DOCK7: variants seen among roughly 807,000 people sequenced by gnomAD.
DOCK7 encodes dedicator of cytokinesis 7, also known as dedicator of cytokinesis protein 7.
Under a neutral mutation model 271.0 loss-of-function variants are expected in DOCK7, and 138 were observed. The observed-to-expected ratio is 0.51, with a 90% CI of 0.44 to 0.59. DOCK7 has a LOEUF of 0.59. DOCK7 is among the 20% of genes least tolerant of loss of function. DOCK7 has a pLI of 0.00. For synonymous variants in DOCK7, 823 were observed against 876.1 expected (o/e 0.94, Z 1.07); for missense variants, 2,066 against 2,592.4 (o/e 0.80, Z 4.41).
intron 30 of DOCK7, among the ~76,000 whole-genome samples, chr1:62,528,561 C>A (rs1180530907): frequency 1.3e-5 from 2 of 152,106 alleles, no homozygotes; most frequent in Non-Finnish European, 2.9e-5. Context: ...TAAGGAAATT[C>A]ATTTTAGTGA....
At chr1:62,664,962 T>C (rs959979816) in intron 1 of DOCK7, among the ~76,000 whole-genome samples, 1 of 152,130 alleles carries the variant, frequency 6.6e-6, no homozygotes, top group Non-Finnish European at 1.5e-5. Context: ...GACAGGAACA[T>C]TCGCTTCAGT....
chr1:62,510,232 AC>A (rs1417710203), intron 34 of DOCK7, among the ~76,000 whole-genome samples: 1 of 152,184 alleles, frequency 6.6e-6, no homozygotes, highest in Non-Finnish European at 1.5e-5. Flanking sequence ...AAGCTCCATA[AC>A]GACAAATGTC....
chr1:62,550,894 T>C (rs1482173469), intron 22 of DOCK7, among the ~76,000 whole-genome samples: 1 of 151,988 alleles, frequency 6.6e-6, no homozygotes, highest in Admixed American at 6.6e-5. Flanking sequence ...CTAATTTTTG[T>C]ATTTTTAGTA....
intron 7 of DOCK7, among the ~76,000 whole-genome samples, chr1:62,640,309 C>T (rs113940788): frequency 2.0e-5 from 3 of 152,002 alleles, no homozygotes; most frequent in Admixed American, 6.5e-5. Flanking sequence ...ATCAAGAGAC[C>T]GAGACCATCC....
intron 1 of DOCK7, among the ~76,000 whole-genome samples, chr1:62,668,196 T>C (rs896893765): frequency 3.9e-5 from 6 of 152,204 alleles, no homozygotes; most frequent in African/African-American, 1.2e-4. Flanking sequence ...TATAATACTA[T>C]TGCGAGGAAG....
chr1:62,514,588 C>T (rs1644602836), intron 31 of DOCK7, among the ~76,000 whole-genome samples: 1 of 151,842 alleles, frequency 6.6e-6, no homozygotes, highest in South Asian at 2.1e-4. Context: ...TTTAGTCCTC[C>T]AACAGTATTG....
chr1:62,456,530 T>G (rs925494207), intron 49 of DOCK7, among the ~76,000 whole-genome samples: 4 of 152,298 alleles, frequency 2.6e-5, no homozygotes, highest in Admixed American at 2.6e-4. Flanking sequence ...TCTTGAAAAC[T>G]AGATACTGTT....
intron 18 of DOCK7, among the ~76,000 whole-genome samples, chr1:62,573,172 T>C (rs1054483402): frequency 1.3e-5 from 2 of 152,122 alleles, no homozygotes; most frequent in African/African-American, 2.4e-5. Context: ...TGTCTACAAT[T>C]TTAATAAAGA....
chr1:62,565,880 G>C (rs1029178828), intron 18 of DOCK7, among the ~76,000 whole-genome samples: 1 of 152,126 alleles, frequency 6.6e-6, no homozygotes, highest in African/African-American at 2.4e-5. Flanking sequence ...AAATCAATGT[G>C]CAAAAATCAC....
intron 18 of DOCK7, among the ~76,000 whole-genome samples, chr1:62,569,951 T>C (rs1024930990): frequency 9.2e-5 from 14 of 152,180 alleles, no homozygotes; most frequent in African/African-American, 3.4e-4. Flanking sequence ...TGATCTCAAG[T>C]GATTTGCCTG....
At chr1:62,563,744 C>G (rs1006746294) in intron 18 of DOCK7, among the ~76,000 whole-genome samples, 5 of 151,460 alleles carry the variant, frequency 3.3e-5, no homozygotes, top group Non-Finnish European at 7.4e-5. Context: ...TTAAAAGACA[C>G]AGACTGGCAA....
intron 37 of DOCK7, among the ~76,000 whole-genome samples, chr1:62,499,649 G>A (rs1043392596): frequency 2.0e-5 from 3 of 152,070 alleles, no homozygotes; most frequent in Admixed American, 6.6e-5. Context: ...CAAGACAGGA[G>A]AGCTGCTTGA....
intron 14 of DOCK7, chr1:62,604,318 C>G: frequency 6.5e-7 from 1 of 1,536,028 alleles, no homozygotes; most frequent in East Asian, 2.3e-5. Flanking sequence ...GCAATGACAA[C>G]TTTTAAAAAT....
chr1:62,561,688 T>C lies in DOCK7; in HGVS notation c.2128A>G (p.Met710Val), dbSNP rs1472594352. 5 of 1,575,334 alleles carry C rather than the reference T, an allele frequency of 3.2e-6. No homozygotes were observed. The highest frequency in any genetic ancestry group is 1.4e-5 in the African/African-American group (1 of 72,728). Residue 710 changes from methionine to valine, a missense_variant, in exon 19 of 50, where the codon ATG becomes GTG. Transcript: ENST00000635253. ...CCTTTGTGATTATCTACCCATTTCA[T>C]GCCAGGTAGAGGAACCTGTAAGATA... ...VLSPEVPLPG[M>V]KWVDNHKGVF...
At position 62,542,670 on chromosome 1, in the gene DOCK7, C is replaced by A; in HGVS notation, c.2983G>T (p.Val995Phe). ...GATTCCCGAACGCTGCCACTGCAAA[C>A]AACCCACTGCAAAGCCAGCTCCTCG... ...FHEELALQWVVCSGSVRESAL... is the reference protein window; with the variant it reads ...FHEELALQWVFCSGSVRESAL... The change falls in exon 25 of 50, where the codon GTT (valine) becomes TTT (phenylalanine). Residue 995 changes from valine to phenylalanine, a missense_variant. By Grantham distance (50) the Val-to-Phe change is conservative (BLOSUM62 -1). Around this residue, in one of 2 missense-constraint regions of DOCK7, gnomAD observed 1,414 missense variants for 1,670.4 expected, o/e 0.85. Transcript: ENST00000635253. The A allele has an allele frequency of 1.2e-6, 2 of 1,613,058 alleles. No homozygotes were observed. Among genetic ancestry groups the A allele is most frequent in the South Asian group, 1.1e-5 (1 of 90,920 alleles).
At chr1:62,582,599 G>GACC (rs1553176885) in intron 16 of DOCK7, among the ~76,000 whole-genome samples, 2,900 of 125,574 alleles carry the variant, frequency 0.023, 46 homozygotes, top group Middle Eastern at 0.037. Flanking sequence ...AGAGCTGTGG[G>GACC]CCCCAAAAAA....
intron 43 of DOCK7, among the ~76,000 whole-genome samples, chr1:62,480,569 G>C (rs1646091158): frequency 6.6e-6 from 1 of 152,126 alleles, no homozygotes; most frequent in Admixed American, 6.5e-5. Flanking sequence ...CAAAATAAAC[G>C]GCCAAGTGGA....
chr1:62,462,068 C>T (rs928179711), intron 48 of DOCK7, among the ~76,000 whole-genome samples: 1 of 124,572 alleles, frequency 8.0e-6, no homozygotes, highest in African/African-American at 3.2e-5. Flanking sequence ...CAAAACTCAT[C>T]TCAAAAAAAA....
At chr1:62,630,968 T>G (rs1449357324) in intron 11 of DOCK7, among the ~76,000 whole-genome samples, 1 of 152,052 alleles carries the variant, frequency 6.6e-6, no homozygotes, top group African/African-American at 2.4e-5. Flanking sequence ...GCAGATCACT[T>G]GAGGTCAGGA....
Sources: gnomAD v4.1 joint callset for allele counts (sites outside exome capture counted in the v4.1 genomes callset) on GRCh38, gnomAD v4.1.1 for gene constraint, gnomAD v4.1.1 regional missense constraint, MANE v1.5 for transcripts, NCBI Gene and HGNC (gene_info 2026-07-23, HGNC 2026-07-21) for gene names.